The following TNPO1 variants were observed in gnomAD, a reference collection of about 807,000 sequenced individuals.
TNPO1 encodes transportin 1.
TNPO1 carries 8 observed loss-of-function variants against 119.5 expected under a neutral mutation model. The observed-to-expected ratio is 0.07, with a 90% CI of 0.04 to 0.12. The LOEUF (loss-of-function observed/expected upper bound fraction) is 0.12, where lower values mean the gene tolerates loss of function less well. Among genes scored for constraint, TNPO1 ranks in the 10% least tolerant of loss-of-function variants. The pLI is 1.00. For missense variants in TNPO1, 576 were observed against 1,089.8 expected, an observed-to-expected ratio of 0.53 and a Z score of 6.64; for synonymous variants, 362 against 363.0, an observed-to-expected ratio of 1.00 and a Z score of 0.03.
At chr5:72,867,668 T>G (rs768746913) in intron 6 of TNPO1, among the ~76,000 whole-genome samples, 1 of 152,232 alleles carries the variant, frequency 6.6e-6, no homozygotes, top group Non-Finnish European at 1.5e-5. Flanking sequence ...AAGTCACAAT[T>G]TCATACTTCC....
intron 6 of TNPO1, among the ~76,000 whole-genome samples, chr5:72,871,072 C>T (rs1462272669): frequency 3.9e-5 from 6 of 152,012 alleles, no homozygotes; most frequent in Non-Finnish European, 5.9e-5. Context: ...CGGGTTCAAG[C>T]GATTCTCCTG....
intron 21 of TNPO1, 72 bp downstream of exon 21, chr5:72,900,153 A>C: frequency 7.5e-7 from 1 of 1,339,730 alleles, no homozygotes; most frequent in Non-Finnish European, 1.1e-6. Flanking sequence ...ACTTTTAGAT[A>C]TATTTTCAGT....
At chr5:72,870,992 C>T (rs1747353081) in intron 6 of TNPO1, among the ~76,000 whole-genome samples, 1 of 152,056 alleles carries the variant, frequency 6.6e-6, no homozygotes, top group African/African-American at 2.4e-5. Context: ...TTTTTTGAGA[C>T]TGAGTCTCTC....
intron 18 of TNPO1, among the ~76,000 whole-genome samples, chr5:72,895,403 G>A (rs950258272): frequency 1.3e-5 from 2 of 148,510 alleles, no homozygotes; most frequent in African/African-American, 2.5e-5. Context: ...TCAATTAGTG[G>A]TTCTCAACTA....
At chr5:72,876,216 CT>C (rs1427037316) in intron 8 of TNPO1, among the ~76,000 whole-genome samples, 1 of 152,168 alleles carries the variant, frequency 6.6e-6, no homozygotes, top group Non-Finnish European at 1.5e-5. Flanking sequence ...TGTTACAGTT[CT>C]TTCTTCCACA....
intron 14 of TNPO1, 33 bp downstream of exon 14, chr5:72,889,990 A>G (rs1317725864): frequency 6.3e-7 from 1 of 1,597,726 alleles, no homozygotes; most frequent in South Asian, 1.1e-5. Flanking sequence ...TAGGGAAAAT[A>G]ATGTGTAGCA....
intron 1 of TNPO1, among the ~76,000 whole-genome samples, chr5:72,832,932 C>T (rs1015737383): frequency 3.9e-5 from 6 of 152,102 alleles, no homozygotes; most frequent in Non-Finnish European, 8.8e-5. Flanking sequence ...GACTTCCTAC[C>T]TTTCAGAGAC....
At chr5:72,845,396 C>G (rs1745087656) in intron 1 of TNPO1, among the ~76,000 whole-genome samples, 1 of 152,094 alleles carries the variant, frequency 6.6e-6, no homozygotes, top group Non-Finnish European at 1.5e-5. Flanking sequence ...CAGATGTTAT[C>G]TAATTAACCC....
At chr5:72,905,212 TAAAA>T in intron 23 of TNPO1, 87 bp from the exon 24 acceptor site, 1 of 944,066 alleles carries the variant, frequency 1.1e-6, no homozygotes, top group South Asian at 1.5e-5. Context: ...ATAAAATTTA[TAAAA>T]AAATCAGCTG....
intron 14 of TNPO1, among the ~76,000 whole-genome samples, chr5:72,891,422 G>A (rs1204620154): frequency 2.0e-5 from 3 of 152,042 alleles, no homozygotes; most frequent in African/African-American, 7.2e-5. Context: ...CTGAGATCAC[G>A]CCGCTGCACT....
At chr5:72,881,477 CT>C (rs1748244353) in intron 9 of TNPO1, among the ~76,000 whole-genome samples, 1 of 152,210 alleles carries the variant, frequency 6.6e-6, no homozygotes, top group African/African-American at 2.4e-5. Context: ...ACTCTGAAGT[CT>C]TTTCTTTAAC....
At chr5:72,875,560 A>G (rs1747698782) in intron 7 of TNPO1, 55 bp from the exon 8 acceptor site, 2 of 1,568,870 alleles carry the variant, frequency 1.3e-6, no homozygotes, top group Non-Finnish European at 1.7e-6. Flanking sequence ...CAGATTACTT[A>G]TTACTTGTGT....
chr5:72,823,126 T>G (rs1284567140), intron 1 of TNPO1, among the ~76,000 whole-genome samples: 1 of 152,130 alleles, frequency 6.6e-6, no homozygotes, highest in Non-Finnish European at 1.5e-5. Flanking sequence ...TCTCTTCCAC[T>G]GTGCAGTTGT....
At chr5:72,835,660 G>A (rs1004748378) in intron 1 of TNPO1, among the ~76,000 whole-genome samples, 5 of 152,196 alleles carry the variant, frequency 3.3e-5, no homozygotes, top group Non-Finnish European at 7.3e-5. Context: ...TAAGTTTCAA[G>A]ATGAATTTTG....
chr5:72,895,579 C>A (rs1185545577), intron 18 of TNPO1, among the ~76,000 whole-genome samples: 1 of 151,778 alleles, frequency 6.6e-6, no homozygotes, highest in Non-Finnish European at 1.5e-5. Flanking sequence ...ATGATCTGGC[C>A]CAAACTGTCA....
chr5:72,908,828 C>T lies in TNPO1; in HGVS notation c.*155C>T, dbSNP rs563075183. On this transcript the variant is annotated 3_prime_UTR_variant, in exon 25 of 25. Coordinates refer to ENST00000337273, the MANE Select transcript of TNPO1 (RefSeq NM_002270.4). ...ACAATCCCAACCCTACTGGGAGGGG[C>T]GGGAGGGAGGTGTTGCCGTCACTGT... The T allele has an allele frequency of 2.5e-4, 109 of 438,630 alleles. 1 individual carries two copies. Among genetic ancestry groups the T allele is most frequent in the South Asian group, 1.5e-3 (95 of 61,698 alleles). 27.2% of individuals were successfully genotyped at this position (438,630 alleles called of 1,614,324 possible).
chr5:72,891,025 TTG>T (rs954478757), intron 14 of TNPO1, among the ~76,000 whole-genome samples: 3 of 152,030 alleles, frequency 2.0e-5, no homozygotes, highest in Admixed American at 1.3e-4. Context: ...GGCCAACTTT[TTG>T]TAGAGATAGT....
At chr5:72,829,864 C>A (rs1454374856) in intron 1 of TNPO1, among the ~76,000 whole-genome samples, 3 of 152,120 alleles carry the variant, frequency 2.0e-5, no homozygotes, top group Admixed American at 2.0e-4. Context: ...TAGAGGAAGG[C>A]AGTTAGTCCT....
chr5:72,881,431 C>T (rs1748240350), intron 9 of TNPO1, among the ~76,000 whole-genome samples: 1 of 152,146 alleles, frequency 6.6e-6, no homozygotes, highest in Non-Finnish European at 1.5e-5. Flanking sequence ...CCATACTAAC[C>T]CAAAACTTCT....
Sources: allele counts gnomAD v4.1 joint callset (sites outside exome capture counted in the v4.1 genomes callset), GRCh38; gene constraint gnomAD v4.1.1; transcripts MANE v1.5; gene names NCBI Gene and HGNC (gene_info 2026-07-23, HGNC 2026-07-21).